The following VPS35L variants were observed in gnomAD, a reference collection of about 807,000 sequenced individuals.
The protein encoded by VPS35L is VPS35 endosomal protein-sorting factor-like.
In VPS35L, 83 loss-of-function variants were observed where a neutral mutation model predicts 133.0. The observed-to-expected ratio is 0.62, with a 90% confidence interval of 0.52 to 0.75. The LOEUF (loss-of-function observed/expected upper bound fraction) is 0.75. Ranked by LOEUF, VPS35L falls within the 30% of genes least tolerant of loss-of-function variation. VPS35L has a pLI of 0.00. For missense variants in VPS35L, 1,083 were observed against 1,206.8 expected (o/e 0.90, Z 1.52); for synonymous variants, 423 against 449.9 (o/e 0.94, Z 0.76).
rs1351230190 is a variant in VPS35L at position 19,581,572 on chromosome 16, C to A, written c.558C>A (p.Asn186Lys). The change falls in exon 7 of 31, where the codon AAC (asparagine) becomes AAA (lysine). Residue 186 changes from asparagine to lysine, a missense_variant. Transcript: ENST00000417362. ...LLNLTQQDYV[N>K]RIEELNQSLK... ...ACTTGACTCAGCAGGATTACGTGAA[C>A]CGCATAGAGGAGCTCAACCAATCGC... 1 of 1,612,174 alleles carries A rather than the reference C, an allele frequency of 6.2e-7. No individual in the cohort carries two copies. The highest frequency in any genetic ancestry group is 2.2e-5 in the East Asian group (1 of 44,778).
At chr16:19,663,558 T>C (rs551152497) in intron 26 of VPS35L, among the ~76,000 whole-genome samples, 2 of 145,962 alleles carry the variant, frequency 1.4e-5, no homozygotes, top group African/African-American at 2.5e-5. Flanking sequence ...ATTTTTTGTA[T>C]GTAATATGTC....
At chr16:19,627,631 C>T in intron 15 of VPS35L, 63 bp from the exon 16 acceptor site, 1 of 1,315,600 alleles carries the variant, frequency 7.6e-7, no homozygotes, top group Non-Finnish European at 1.1e-6. Flanking sequence ...AATATATATT[C>T]AAAAATTAAA....
chr16:19,601,760 C>T, intron 9 of VPS35L, 37 bp downstream of exon 9: 7 of 1,605,588 alleles, frequency 4.4e-6, no homozygotes, highest in South Asian at 1.1e-5. Context: ...TCATTCTGCC[C>T]TGGAGTCAGG....
At chr16:19,587,558 C>T (rs1971907449) in intron 7 of VPS35L, among the ~76,000 whole-genome samples, 1 of 150,898 alleles carries the variant, frequency 6.6e-6, no homozygotes, top group African/African-American at 2.4e-5. Context: ...CACTTGAACC[C>T]AGGAGGCGGA....
At chr16:19,698,118 A>G (rs990570152) in intron 29 of VPS35L, among the ~76,000 whole-genome samples, 1 of 152,196 alleles carries the variant, frequency 6.6e-6, no homozygotes, top group African/African-American at 2.4e-5. Flanking sequence ...GCCAGAATCA[A>G]GGTCTTGCTG....
At chr16:19,563,316 A>T (rs897905762) in intron 1 of VPS35L, among the ~76,000 whole-genome samples, 1 of 133,970 alleles carries the variant, frequency 7.5e-6, no homozygotes, top group South Asian at 2.3e-4. Flanking sequence ...AAAAAAACTT[A>T]AAAAAAAAAA....
rs778201927 is a variant in VPS35L, at chr16:19,629,757, C to CTCTT, written c.1501-8_1501-5dup. 6.2e-7 allele frequency: 1 copy of CTCTT among 1,612,508 alleles called. No individual in the cohort carries two copies. The highest frequency in any genetic ancestry group is 2.2e-5 in the East Asian group (1 of 44,844). ...ACTTAATGTTAAGATGTTTTCCTTT[C>CTCTT]TCTTTGTAGGACTACATTAATTGTG... On this transcript the variant is annotated splice_polypyrimidine_tract_variant and intron_variant, in intron 17 of 30. Transcript: ENST00000417362.
At chr16:19,594,376 G>T (rs1278434441) in intron 8 of VPS35L, among the ~76,000 whole-genome samples, 1 of 152,168 alleles carries the variant, frequency 6.6e-6, no homozygotes, top group Non-Finnish European at 1.5e-5. Flanking sequence ...AGGCACAGTG[G>T]CTCACGCCTA....
intron 28 of VPS35L, among the ~76,000 whole-genome samples, chr16:19,688,698 T>C (rs1975554656): frequency 6.6e-6 from 1 of 152,164 alleles, no homozygotes; most frequent in South Asian, 2.1e-4. Context: ...CCAGACAGAG[T>C]GCTGCTTGTT....
chr16:19,686,133 C>T (rs1975450729), intron 28 of VPS35L, among the ~76,000 whole-genome samples: 1 of 152,150 alleles, frequency 6.6e-6, no homozygotes, highest in Admixed American at 6.6e-5. Context: ...GCAACTGTGA[C>T]CTGCCCGGCG....
At chr16:19,602,533 C>T (rs1227578211) in intron 9 of VPS35L, among the ~76,000 whole-genome samples, 1 of 151,968 alleles carries the variant, frequency 6.6e-6, no homozygotes, top group Non-Finnish European at 1.5e-5. Context: ...CTTCCTCTCC[C>T]TCCTCCTCTC....
At chr16:19,616,643 G>GT in intron 13 of VPS35L, 43 bp from the exon 14 acceptor site, 4 of 1,599,392 alleles carry the variant, frequency 2.5e-6, no homozygotes, top group Non-Finnish European at 3.4e-6. Flanking sequence ...TTGTTGTTTG[G>GT]TTTTTCCCCT....
At position 19,666,872 on chromosome 16, in the gene VPS35L, TTTTCTTTC is replaced by T. The variant is rs551438290; in HGVS notation, c.2222-2233_2222-2226del. On this transcript the variant is annotated intron_variant, in intron 26 of 30. Coordinates refer to ENST00000417362, the MANE Select transcript of VPS35L (RefSeq NM_020314.7). ...GTGGGTTCCATAAGTAGGGCCATGT[TTTTCTTTC>T]TTTCTTTCTTTCTTTCTTTCTTTCT... 5.1e-3 allele frequency among the ~76,000 whole-genome samples: 541 copies of T among 106,238 alleles called. 5 individuals are homozygous for T. The highest frequency in any genetic ancestry group is 0.01 in the South Asian group (28 of 2,782). 69.7% of individuals were successfully genotyped at this position (106,238 alleles called of 152,430 possible). A position where few individuals can be genotyped will look rare whatever the true frequency, so the allele number is the denominator to read the frequency against.
At chr16:19,689,040 C>CTT (rs766276644) in intron 28 of VPS35L, among the ~76,000 whole-genome samples, 64 of 134,654 alleles carry the variant, frequency 4.8e-4, no homozygotes, top group Admixed American at 1.4e-3. Flanking sequence ...GGTGTCTCTT[C>CTT]TTTTTTTTTT....
chr16:19,570,875 A>ATT (rs1567388756), intron 3 of VPS35L, among the ~76,000 whole-genome samples: 2 of 45,848 alleles, frequency 4.4e-5, no homozygotes, highest in African/African-American at 2.6e-4. Context: ...ATATATATAT[A>ATT]TATATATATA....
chr16:19,695,025 A>G, intron 29 of VPS35L, among the ~76,000 whole-genome samples: 1 of 141,124 alleles, frequency 7.1e-6, no homozygotes, highest in South Asian at 2.2e-4. Flanking sequence ...AAAAAAAAAG[A>G]CAGAGCTCAA....
At chr16:19,646,790 G>A (rs1051563634) in intron 23 of VPS35L, among the ~76,000 whole-genome samples, 1 of 152,134 alleles carries the variant, frequency 6.6e-6, no homozygotes, top group Non-Finnish European at 1.5e-5. Flanking sequence ...CTTTTGATGG[G>A]GGGTAGTCCA....
intron 29 of VPS35L, among the ~76,000 whole-genome samples, chr16:19,697,199 G>A (rs529344407): frequency 3.1e-4 from 47 of 152,334 alleles, no homozygotes; most frequent in African/African-American, 8.9e-4. Flanking sequence ...GCTCTTTGCC[G>A]TCGGCTCTGC....
chr16:19,682,133 C>T lies in VPS35L; in HGVS notation c.2362-92C>T. 5 of 1,386,960 alleles carry T rather than the reference C, an allele frequency of 3.6e-6. 1 individual carries two copies. In the South Asian group the frequency reaches 6.5e-5, roughly 18 times the overall value. The allele number at this position is 1,386,960 out of a possible 1,614,324, so 85.9% of individuals were successfully genotyped here. On this transcript the variant is annotated intron_variant, in intron 27 of 30. Transcript: ENST00000417362. Reference sequence around the variant, plus strand: ...GACAACGTTAATTTCTCTACAGCTGCTGCGGGAGGATCTGGGCTTCTGTGT... The same window carrying T: ...GACAACGTTAATTTCTCTACAGCTGTTGCGGGAGGATCTGGGCTTCTGTGT...
Sources: gnomAD v4.1 joint callset for allele counts (sites outside exome capture counted in the v4.1 genomes callset) on GRCh38, gnomAD v4.1.1 for gene constraint, MANE v1.5 for transcripts, NCBI Gene and HGNC (gene_info 2026-07-23, HGNC 2026-07-21) for gene names.